Variants in VAV3 observed in about 807,000 individuals in gnomAD.
The protein encoded by VAV3 is vav guanine nucleotide exchange factor 3, also known as guanine nucleotide exchange factor VAV3.
A neutral mutation model predicts 131.2 loss-of-function variants in VAV3; 94 were observed. The ratio of observed to expected loss-of-function variants is 0.72; its 90% CI spans 0.61 to 0.85. The LOEUF (loss-of-function observed/expected upper bound fraction) is 0.85, where lower values mean the gene tolerates loss of function less well. Ranked by LOEUF, VAV3 falls within the 40% of genes least tolerant of loss-of-function variation. VAV3 has a pLI of 0.00. For missense variants in VAV3, 939 were observed against 1,002.7 expected (o/e 0.94, Z 0.86); for synonymous variants, 349 against 342.0 (o/e 1.02, Z -0.22).
At chr1:107,655,823 T>C (rs921120543) in intron 19 of VAV3, among the ~76,000 whole-genome samples, 23 of 152,196 alleles carry the variant, frequency 1.5e-4, no homozygotes, top group African/African-American at 4.8e-4. Context: ...AAAAGACATA[T>C]TAGTCGTCAA....
intron 19 of VAV3, among the ~76,000 whole-genome samples, chr1:107,676,062 G>A (rs1459325489): frequency 1.3e-5 from 2 of 152,144 alleles, no homozygotes; most frequent in East Asian, 3.8e-4. Flanking sequence ...GTATGCCCAA[G>A]GATGAAAACT....
intron 1 of VAV3, among the ~76,000 whole-genome samples, chr1:107,910,380 G>C (rs1460301008): frequency 1.3e-5 from 2 of 152,210 alleles, no homozygotes; most frequent in African/African-American, 4.8e-5. Flanking sequence ...TTCACTCCAA[G>C]AAGGAAGCTT....
chr1:107,823,822 G>A (rs1667900651), intron 2 of VAV3, among the ~76,000 whole-genome samples: 1 of 152,194 alleles, frequency 6.6e-6, no homozygotes, highest in Non-Finnish European at 1.5e-5. Flanking sequence ...CTTGCTCCCT[G>A]TTAATGCCCA....
chr1:107,763,140 T>A (rs1278756811), intron 9 of VAV3, among the ~76,000 whole-genome samples: 1 of 152,236 alleles, frequency 6.6e-6, no homozygotes, highest in Non-Finnish European at 1.5e-5. Flanking sequence ...TCCCACTGAG[T>A]ATTTGTTGAA....
At position 107,757,535 on chromosome 1, in the gene VAV3, A is replaced by G. The variant is rs551972055; in HGVS notation, c.1018-206T>C. Among the ~76,000 whole-genome samples the G allele has an allele frequency of 2.1e-3, 320 of 152,288 alleles. 2 individuals carry two copies. Among genetic ancestry groups the G allele is most frequent in the African/African-American group, 7.5e-3 (311 of 41,560 alleles). On this transcript the variant is annotated intron_variant, in intron 10 of 26. Transcript: ENST00000370056. The stretch of plus-strand genomic sequence containing the variant: ...AAAAAATCATGAGACACAATATGAG[A>G]TATTTTCTTTTCAAAGATGAATCTG...
At chr1:107,910,435 T>C (rs1219617367) in intron 1 of VAV3, among the ~76,000 whole-genome samples, 1 of 152,214 alleles carries the variant, frequency 6.6e-6, no homozygotes, top group Non-Finnish European at 1.5e-5. Flanking sequence ...ACATAAAATA[T>C]TATATGCTAT....
rs1242735660 is a variant in VAV3, at chr1:107,576,444, T to C, written c.2351-2246A>G. On this transcript the variant is annotated intron_variant, in intron 25 of 26. Transcript: ENST00000370056. Reference sequence around the variant, plus strand: ...GAACAAAGCTGTAGTCTGGAGGAGTTACAAAAGAAAAGCCACAGAACAAAG... The same window carrying C: ...GAACAAAGCTGTAGTCTGGAGGAGTCACAAAAGAAAAGCCACAGAACAAAG... 2.0e-6 allele frequency: 3 copies of C among 1,521,148 alleles called. No homozygotes were observed. In the African/African-American group the frequency reaches 4.2e-5, roughly 21 times the overall value. 94.2% of individuals were successfully genotyped at this position (1,521,148 alleles called of 1,614,324 possible).
chr1:107,956,261 ATTAAG>A (rs972756520), intron 1 of VAV3, among the ~76,000 whole-genome samples: 1 of 152,224 alleles, frequency 6.6e-6, no homozygotes, highest in African/African-American at 2.4e-5. Context: ...GAAACGGGTG[ATTAAG>A]TTAAGTTTAA....
chr1:107,799,071 G>A (rs1053535739), intron 2 of VAV3, among the ~76,000 whole-genome samples: 1 of 152,024 alleles, frequency 6.6e-6, no homozygotes, highest in Non-Finnish European at 1.5e-5. Flanking sequence ...AGAAATGAGA[G>A]ACCCAAAAAT....
chr1:107,706,077 C>T (rs984499998), intron 15 of VAV3, among the ~76,000 whole-genome samples: 8 of 151,898 alleles, frequency 5.3e-5, no homozygotes, highest in African/African-American at 7.3e-5. Flanking sequence ...CAAAAGAGGG[C>T]AGAAAATTAG....
chr1:107,896,123 G>T (rs1366606465), intron 1 of VAV3, among the ~76,000 whole-genome samples: 1 of 152,150 alleles, frequency 6.6e-6, no homozygotes, highest in Non-Finnish European at 1.5e-5. Flanking sequence ...GATACATAAT[G>T]TTCAATTTAG....
At chr1:107,952,467 T>TC (rs1488817909) in intron 1 of VAV3, among the ~76,000 whole-genome samples, 2 of 45,212 alleles carry the variant, frequency 4.4e-5, no homozygotes, top group African/African-American at 7.4e-5. Context: ...ATAACAAAAC[T>TC]TTATATATAT....
At chr1:107,594,947 A>G (rs531198267) in intron 25 of VAV3, among the ~76,000 whole-genome samples, 1 of 152,156 alleles carries the variant, frequency 6.6e-6, no homozygotes, top group Non-Finnish European at 1.5e-5. Context: ...GCAAAGAAAC[A>G]GAGCTTCGAA....
At position 107,578,836 on chromosome 1, in the gene VAV3, A is replaced by T. The variant is rs763991453; in HGVS notation, c.2351-4638T>A. ...ACACTATATTTCTCCAAAATTTTCA[A>T]TGAAGGTAATTTACACCAAGAGTCT... On this transcript the variant is annotated intron_variant, in intron 25 of 26. Coordinates refer to ENST00000370056, the MANE Select transcript of VAV3 (RefSeq NM_006113.5). The T allele has an allele frequency of 9.1e-6, 9 of 984,940 alleles. No homozygotes were observed. In the East Asian group the frequency reaches 1.0e-3, roughly 112 times the overall value. 61.0% of individuals were successfully genotyped at this position (984,940 alleles called of 1,614,324 possible). A position where few individuals can be genotyped will look rare whatever the true frequency, so the allele number is the denominator to read the frequency against.
intron 1 of VAV3, among the ~76,000 whole-genome samples, chr1:107,941,606 T>C (rs1267925169): frequency 6.6e-6 from 1 of 152,174 alleles, no homozygotes; most frequent in Non-Finnish European, 1.5e-5. Context: ...TACTTCTGTT[T>C]TGTTTGTTTT....
intron 9 of VAV3, among the ~76,000 whole-genome samples, chr1:107,763,538 C>T (rs1664560392): frequency 6.6e-6 from 1 of 152,030 alleles, no homozygotes; most frequent in African/African-American, 2.4e-5. Context: ...TTAATTTTAT[C>T]ATCATATTTT....
intron 15 of VAV3, among the ~76,000 whole-genome samples, chr1:107,724,534 C>T (rs1289487330): frequency 3.3e-5 from 5 of 151,956 alleles, no homozygotes; most frequent in African/African-American, 4.8e-5. Context: ...AAGATAGAGA[C>T]ATGAAAAGAA....
At position 107,855,612 on chromosome 1, in the gene VAV3, G is replaced by A. The variant is rs142541588; in HGVS notation, c.321+19289C>T. Among the ~76,000 whole-genome samples, 554 of 152,172 alleles carry A rather than the reference G, an allele frequency of 3.6e-3. 3 individuals carry two copies. The highest frequency in any genetic ancestry group is 0.013 in the African/African-American group (523 of 41,530). ...CATTTATATGTTAAATTTGTTAAGAGCAGGGGCAGGAATTGTGTAACAACT... is the reference window on the plus strand; with the variant it reads ...CATTTATATGTTAAATTTGTTAAGAACAGGGGCAGGAATTGTGTAACAACT... On this transcript the variant is annotated intron_variant, in intron 2 of 26. Coordinates refer to ENST00000370056, the MANE Select transcript of VAV3 (RefSeq NM_006113.5).
At chr1:107,773,876 G>A (rs1398287686) in intron 4 of VAV3, among the ~76,000 whole-genome samples, 1 of 152,086 alleles carries the variant, frequency 6.6e-6, no homozygotes, top group African/African-American at 2.4e-5. Flanking sequence ...CATTGGAGGG[G>A]ATCCTGTTTG....
Sources: gnomAD v4.1 joint callset for allele counts (sites outside exome capture counted in the v4.1 genomes callset) on GRCh38, gnomAD v4.1.1 for gene constraint, MANE v1.5 for transcripts, NCBI Gene and HGNC (gene_info 2026-07-23, HGNC 2026-07-21) for gene names.